The following TTC28 variants were observed in gnomAD, a reference collection of about 807,000 sequenced individuals.
The protein encoded by TTC28 is tetratricopeptide repeat domain 28.
In TTC28, 61 loss-of-function variants were observed where a neutral mutation model predicts 198.0. The ratio of observed to expected loss-of-function variants is 0.31; its 90% confidence interval spans 0.25 to 0.38. The LOEUF (loss-of-function observed/expected upper bound fraction) is 0.38, where lower values mean the gene tolerates loss of function less well. Ranked by LOEUF, TTC28 falls within the 10% of genes least tolerant of loss-of-function variation. TTC28 has a pLI of 1.00. For synonymous variants in TTC28, 1,171 were observed against 1,297.8 expected, an observed-to-expected ratio of 0.90 and a Z score of 2.10; for missense variants, 2,678 against 3,164.0, an observed-to-expected ratio of 0.85 and a Z score of 3.69.
intron 1 of TTC28, among the ~76,000 whole-genome samples, chr22:28,678,633 T>G (rs2052040344): frequency 6.6e-6 from 1 of 152,180 alleles, no homozygotes; most frequent in Admixed American, 6.6e-5. Context: ...AATCATATAC[T>G]GTAAAATAAA....
intron 1 of TTC28, among the ~76,000 whole-genome samples, chr22:28,649,378 T>G (rs949909703): frequency 6.6e-6 from 1 of 152,012 alleles, no homozygotes; most frequent in Non-Finnish European, 1.5e-5. Context: ...AAATAAAATA[T>G]ATATAAATAA....
chr22:28,119,520 C>T (rs1601339656), intron 6 of TTC28, among the ~76,000 whole-genome samples: 1 of 152,172 alleles, frequency 6.6e-6, no homozygotes, highest in Admixed American at 6.5e-5. Flanking sequence ...GGGGATGGAA[C>T]CCATTTCCTT....
At chr22:28,654,389 G>A (rs746897552) in intron 1 of TTC28, among the ~76,000 whole-genome samples, 15 of 152,050 alleles carry the variant, frequency 9.9e-5, no homozygotes, top group Middle Eastern at 3.2e-3. Context: ...GTGCAGTGGC[G>A]CAATCTCAGC....
chr22:28,299,053 AT>A (rs990753866), intron 3 of TTC28, among the ~76,000 whole-genome samples: 3 of 152,002 alleles, frequency 2.0e-5, no homozygotes, highest in African/African-American at 7.3e-5. Flanking sequence ...GCCACAGGAG[AT>A]TTTTTTCCCA....
At chr22:28,323,672 G>A (rs1363482978) in intron 2 of TTC28, among the ~76,000 whole-genome samples, 2 of 152,164 alleles carry the variant, frequency 1.3e-5, no homozygotes, top group African/African-American at 2.4e-5. Context: ...TAAAGAGGAC[G>A]TAGAGGGTGA....
At chr22:28,402,605 C>T (rs768935361) in intron 2 of TTC28, among the ~76,000 whole-genome samples, 4 of 152,146 alleles carry the variant, frequency 2.6e-5, no homozygotes, top group Non-Finnish European at 5.9e-5. Context: ...AAGTATAGAA[C>T]TGAGCAGCAC....
chr22:28,050,480 G>T (rs1940044848), intron 12 of TTC28, among the ~76,000 whole-genome samples: 1 of 152,148 alleles, frequency 6.6e-6, no homozygotes, highest in Non-Finnish European at 1.5e-5. Flanking sequence ...TGTTCACTAA[G>T]AGCCAAGAAG....
chr22:28,576,899 C>A (rs958389666), intron 2 of TTC28, among the ~76,000 whole-genome samples: 1 of 151,248 alleles, frequency 6.6e-6, no homozygotes, highest in Non-Finnish European at 1.5e-5. Flanking sequence ...AAAGGTTTGT[C>A]GATTTTATCT....
chr22:28,464,238 G>C (rs2047988734), intron 2 of TTC28, among the ~76,000 whole-genome samples: 1 of 152,178 alleles, frequency 6.6e-6, no homozygotes, highest in South Asian at 2.1e-4. Flanking sequence ...ACTGTCTCTG[G>C]AGAAAAGGGA....
At chr22:28,333,475 A>C (rs2045649243) in intron 2 of TTC28, among the ~76,000 whole-genome samples, 1 of 152,152 alleles carries the variant, frequency 6.6e-6, no homozygotes, top group South Asian at 2.1e-4. Context: ...ACAGCAGAGA[A>C]AGCATTTCAA....
chr22:28,593,460 G>T (rs1266368378), intron 2 of TTC28, among the ~76,000 whole-genome samples: 1 of 143,354 alleles, frequency 7.0e-6, no homozygotes, highest in East Asian at 2.3e-4. Context: ...TAGGTAGATA[G>T]GTAGGTAGCT....
chr22:27,993,475 G>A lies in TTC28; in HGVS notation c.5288C>T (p.Ala1763Val), dbSNP rs1178310475. 1.3e-6 allele frequency: 2 copies of A among 1,551,046 alleles called. No homozygotes were observed. The highest frequency in any genetic ancestry group is 8.7e-7 in the Non-Finnish European group (1 of 1,146,688). The change falls in exon 18 of 23, where the codon GCC (alanine) becomes GTC (valine). Residue 1763 changes from alanine (A) to valine (V), a missense_variant. This residue lies in a region of TTC28 where 314 missense variants were observed against 442.7 expected (regional missense o/e 0.71). Transcript: ENST00000397906. The stretch of plus-strand genomic sequence containing the variant: ...CACACTCTGCTGGGATGTGTACATG[G>A]CATTGCGCTGCCCATTCTGGATGCG... ...LQRIQNGQRN[A>V]MYTSQQSVEN...
intron 5 of TTC28, among the ~76,000 whole-genome samples, chr22:28,172,167 C>G (rs970744312): frequency 6.6e-6 from 1 of 152,088 alleles, no homozygotes; most frequent in Non-Finnish European, 1.5e-5. Context: ...GACTATGGAG[C>G]TAGTGTAGCT....
chr22:28,096,114 C>T, intron 11 of TTC28, 76 bp downstream of exon 11: 1 of 1,446,512 alleles, frequency 6.9e-7, no homozygotes. Context: ...GATAATGCAC[C>T]TATTCCACCT....
rs1461894210 is a variant in TTC28, at chr22:28,001,378, G to A, written c.4394C>T (p.Ser1465Phe). 5.2e-6 allele frequency: 8 copies of A among 1,549,294 alleles called. No individual in the cohort carries two copies. In the Admixed American group the frequency reaches 1.6e-4, roughly 30 times the overall value. The part of the protein sequence containing the change: ...VPSIRSLSVQ[S>F]KSHLRKNPPT... Reference sequence around the variant, plus strand: ...CACCATGTGTGTGAGCCTTACCTTGGACTGCACGCTGAGGGAGCGGATGGA... The same window carrying A: ...CACCATGTGTGTGAGCCTTACCTTGAACTGCACGCTGAGGGAGCGGATGGA... Residue 1465 changes from serine to phenylalanine, a missense_variant, in exon 15 of 23, where the codon TCC becomes TTC. Physicochemically the swap from Ser to Phe is radical, Grantham distance 155. Coordinates refer to ENST00000397906, the MANE Select transcript of TTC28 (RefSeq NM_001145418.2).
At chr22:28,210,645 G>A (rs1926851250) in intron 5 of TTC28, among the ~76,000 whole-genome samples, 1 of 152,098 alleles carries the variant, frequency 6.6e-6, no homozygotes, top group Non-Finnish European at 1.5e-5. Flanking sequence ...TATGAGAAAA[G>A]ACCAAATCTA....
Position 28,108,200 on chromosome 22 carries a change from C to G in TTC28, c.1645G>C (p.Asp549His). 1 of 1,551,616 alleles carries G rather than the reference C, an allele frequency of 6.4e-7. No homozygotes were observed. The highest frequency in any genetic ancestry group is 8.7e-7 in the Non-Finnish European group (1 of 1,146,932). ...QELQISMEVN[D>H]RASQASTHGN... The stretch of plus-strand genomic sequence containing the variant: ...TGTGTGGAGGCCTGTGAGGCGCGGT[C>G]ATTCACTTCCATGGAGATCTGCAGC... Residue 549 changes from aspartate (D) to histidine (H), a missense_variant, in exon 7 of 23, where the codon GAC becomes CAC. Coordinates refer to ENST00000397906, the MANE Select transcript of TTC28 (RefSeq NM_001145418.2).
intron 2 of TTC28, among the ~76,000 whole-genome samples, chr22:28,528,807 AAAT>A: frequency 6.6e-6 from 1 of 152,174 alleles, no homozygotes; most frequent in South Asian, 2.1e-4. Flanking sequence ...TTATATTTGC[AAAT>A]AATAAGATTG....
chr22:28,451,096 T>G (rs2047771971), intron 2 of TTC28, among the ~76,000 whole-genome samples: 1 of 152,216 alleles, frequency 6.6e-6, no homozygotes, highest in Non-Finnish European at 1.5e-5. Flanking sequence ...GGAGTCCTCT[T>G]AAGTTTTGGC....
Sources: allele counts gnomAD v4.1 joint callset (sites outside exome capture counted in the v4.1 genomes callset), GRCh38; gene constraint gnomAD v4.1.1; regional missense constraint gnomAD v4.1.1; transcripts MANE v1.5; gene names NCBI Gene and HGNC (gene_info 2026-07-23, HGNC 2026-07-21).